Variants in CSNK1E observed in about 807,000 individuals in gnomAD.
CSNK1E encodes the protein casein kinase 1 epsilon, also known as casein kinase I isoform epsilon.
CSNK1E carries 17 observed loss-of-function variants against 46.1 expected under a neutral mutation model. That is an observed-to-expected ratio of 0.37 (90% CI 0.25 to 0.55). CSNK1E has a LOEUF of 0.55. CSNK1E is among the 20% of genes least tolerant of loss of function. The pLI is 0.82. For missense variants in CSNK1E, 386 were observed against 595.4 expected (o/e 0.65, Z 3.66); for synonymous variants, 241 against 242.6 (o/e 0.99, Z 0.06).
At chr22:38,311,035 AGATGG>A (rs2092718721) in intron 2 of CSNK1E, among the ~76,000 whole-genome samples, 1 of 152,188 alleles carries the variant, frequency 6.6e-6, no homozygotes, top group South Asian at 2.1e-4. Context: ...GCACCAGTGA[AGATGG>A]GAGAGTCAGG....
intron 7 of CSNK1E, chr22:38,296,799 G>A: frequency 7.3e-7 from 1 of 1,367,516 alleles, no homozygotes; most frequent in South Asian, 1.4e-5. Flanking sequence ...GGTCCCATCT[G>A]CCTTGCCGGA....
chr22:38,313,615 G>A (rs1020896567), intron 2 of CSNK1E, among the ~76,000 whole-genome samples: 1 of 152,208 alleles, frequency 6.6e-6, no homozygotes, highest in Non-Finnish European at 1.5e-5. Context: ...CACCCCCGAG[G>A]TTACAGGGGA....
At chr22:38,296,075 C>G (rs2092638981) in intron 7 of CSNK1E, 1 of 779,436 alleles carries the variant, frequency 1.3e-6, no homozygotes, top group African/African-American at 1.9e-5. Flanking sequence ...CAGCCAGCAG[C>G]CAAGCAGAGG....
Position 38,291,599 on chromosome 22 carries a change from G to A in CSNK1E, c.*372C>T, listed in dbSNP as rs1454377609. 1 of 152,296 alleles carries A rather than the reference G, an allele frequency of 6.6e-6. No individual in the cohort carries two copies. The highest frequency in any genetic ancestry group is 1.9e-4 in the East Asian group (1 of 5,198). The allele number at this position is 152,296 out of a possible 1,614,324, so 9.4% of individuals were successfully genotyped here. A position where few individuals can be genotyped will look rare whatever the true frequency, so the allele number is the denominator to read the frequency against. On this transcript the variant is annotated 3_prime_UTR_variant, in exon 11 of 11. Transcript: ENST00000396832. ...TGCTTGAGGGCCGGCTTTGGCTCTGGGACCTGTCACTTCTCCGACACGGAC... is the reference window on the plus strand; with the variant it reads ...TGCTTGAGGGCCGGCTTTGGCTCTGAGACCTGTCACTTCTCCGACACGGAC...
intron 7 of CSNK1E, chr22:38,295,367 G>T: frequency 2.1e-6 from 2 of 974,950 alleles, no homozygotes; most frequent in Non-Finnish European, 2.4e-6. Flanking sequence ...ATATGTGGGG[G>T]CAGCGCCCGA....
chr22:38,300,153 C>G lies in CSNK1E; in HGVS notation c.566-88G>C. ...CTGGGTCATGCTCCTCACAATGCAC[C>G]AGGACCCTCCTGCCCCCACGTCGGA... On this transcript the variant is annotated intron_variant, in intron 5 of 10. Coordinates refer to ENST00000396832, the MANE Select transcript of CSNK1E (RefSeq NM_152221.3). This position sits in a 1 kb window ranked among gnomAD's most constrained non-coding sequence, Gnocchi z 4.4. 7.7e-7 allele frequency: 1 copy of G among 1,290,898 alleles called. No homozygotes were observed. Among genetic ancestry groups the G allele is most frequent in the Non-Finnish European group, 1.1e-6 (1 of 931,126 alleles). The allele number at this position is 1,290,898 out of a possible 1,614,324, so 80.0% of individuals were successfully genotyped here. A position where few individuals can be genotyped will look rare whatever the true frequency, so the allele number is the denominator to read the frequency against.
intron 2 of CSNK1E, among the ~76,000 whole-genome samples, chr22:38,307,414 C>T (rs1324463341): frequency 1.3e-5 from 2 of 151,748 alleles, no homozygotes; most frequent in Non-Finnish European, 2.9e-5. Context: ...CCAAGGTGCT[C>T]CCGTGGGAGC....
In CSNK1E at chr22:38,294,221, C is replaced by A; in HGVS notation, c.1106G>T (p.Arg369Leu). The change falls in exon 9 of 11, where the codon CGG becomes CTG. Residue 369 changes from arginine to leucine, a missense_variant. Physicochemically the swap from Arg to Leu is moderately radical, Grantham distance 102. Coordinates refer to ENST00000396832, the MANE Select transcript of CSNK1E (RefSeq NM_152221.3). This position sits in a 1 kb window ranked among gnomAD's most constrained non-coding sequence, Gnocchi z 5.5. ...ACTCACCTTCCTCTCCCGGTCGACC[C>A]GCGAGATCGCTCTGGGAGAAGTATT... ...AGNTSPRAIS[R>L]VDRERKVSMR... is the part of the protein sequence containing the mutation. 1 of 1,612,484 alleles carries A rather than the reference C, an allele frequency of 6.2e-7. No individual in the cohort carries two copies. Among genetic ancestry groups the A allele is most frequent in the Non-Finnish European group, 8.5e-7 (1 of 1,179,914 alleles).
chr22:38,302,705 C>T (rs531558370), intron 4 of CSNK1E, among the ~76,000 whole-genome samples, 156 bp downstream of exon 4: 3 of 152,144 alleles, frequency 2.0e-5, no homozygotes, highest in East Asian at 3.9e-4. Context: ...AGTGAGACTC[C>T]GCCTCAAAAA....
chr22:38,304,429 C>T (rs2092688961), intron 2 of CSNK1E, among the ~76,000 whole-genome samples: 1 of 152,084 alleles, frequency 6.6e-6, no homozygotes, highest in Non-Finnish European at 1.5e-5. Flanking sequence ...TTGGCACAGC[C>T]CCTGTGCACC....
chr22:38,305,231 G>C (rs1224437202), intron 2 of CSNK1E, among the ~76,000 whole-genome samples: 2 of 151,218 alleles, frequency 1.3e-5, no homozygotes, highest in Non-Finnish European at 2.9e-5. Flanking sequence ...ACGAAAGAAA[G>C]GAAAAAGATT....
At chr22:38,311,145 C>CGCACA (rs1177672791) in intron 2 of CSNK1E, among the ~76,000 whole-genome samples, 1 of 152,168 alleles carries the variant, frequency 6.6e-6, no homozygotes, top group African/African-American at 2.4e-5. Flanking sequence ...GGGGGCGCAG[C>CGCACA]GCACAGCACT....
Position 38,294,740 on chromosome 22 carries a change from G to C in CSNK1E, c.886-206C>G, listed in dbSNP as rs985364980. 6.6e-6 allele frequency among the ~76,000 whole-genome samples: 1 copy of C among 152,194 alleles called. No individual in the cohort carries two copies. The highest frequency in any genetic ancestry group is 1.5e-5 in the Non-Finnish European group (1 of 68,032). On this transcript the variant is annotated intron_variant, in intron 7 of 10. Transcript: ENST00000396832. The surrounding 1 kb of genome is among the most constrained non-coding windows in gnomAD (Gnocchi z 5.5). ...AGCCACACAACCACCAGAGGAAGGAGAAAGCAGGAGTCTGGGGGCAGAGGG... is the reference window on the plus strand; with the variant it reads ...AGCCACACAACCACCAGAGGAAGGACAAAGCAGGAGTCTGGGGGCAGAGGG...
chr22:38,300,568 G>A lies in CSNK1E; in HGVS notation c.565+156C>T, dbSNP rs749488548. On this transcript the variant is annotated intron_variant, in intron 5 of 10. Transcript: ENST00000396832. The surrounding 1 kb of genome is among the most constrained non-coding windows in gnomAD (Gnocchi z 4.4). ...GGAAGACCCGACTGTGCAAGGACAC[G>A]GAATAAGCACGAGCTTGGGGGCAGA... Among the ~76,000 whole-genome samples the A allele has an allele frequency of 6.6e-6, 1 of 152,190 alleles. No homozygotes were observed. Among genetic ancestry groups the A allele is most frequent in the Admixed American group, 6.5e-5 (1 of 15,276 alleles).
chr22:38,317,410 C>CGCCT lies in CSNK1E; in HGVS notation c.-264_-263insAGGC, dbSNP rs1602569422. ...CCGGCCTCCTGCCCGCCCGCCCGCC[C>CGCCT]CCGCCGCCGGCTCGCGCGCTCTCGC... On this transcript the variant is annotated 5_prime_UTR_variant, in exon 1 of 11. Coordinates refer to ENST00000396832, the MANE Select transcript of CSNK1E (RefSeq NM_152221.3). 4 of 133,400 alleles carry CGCCT rather than the reference C, an allele frequency of 3.0e-5. No individual in the cohort carries two copies. Among genetic ancestry groups the CGCCT allele is most frequent in the Admixed American group, 1.5e-4 (2 of 13,772 alleles). 8.3% of individuals were successfully genotyped at this position (133,400 alleles called of 1,614,324 possible). A position where few individuals can be genotyped will look rare whatever the true frequency, so the allele number is the denominator to read the frequency against.
chr22:38,306,589 G>A (rs2145843985), intron 2 of CSNK1E, among the ~76,000 whole-genome samples: 1 of 152,280 alleles, frequency 6.6e-6, no homozygotes, highest in Admixed American at 6.5e-5. Context: ...AAATTAGCTG[G>A]GCGTAGTGGC....
chr22:38,305,879 C>A (rs954661469), intron 2 of CSNK1E, among the ~76,000 whole-genome samples: 1 of 152,074 alleles, frequency 6.6e-6, no homozygotes, highest in Non-Finnish European at 1.5e-5. Flanking sequence ...GCTACTCAGC[C>A]CTGACCAGCA....
In CSNK1E at chr22:38,317,188, A is replaced by G. The variant is rs2092751637; in HGVS notation, c.-41T>C. On this transcript the variant is annotated 5_prime_UTR_variant, in exon 1 of 11. Coordinates refer to ENST00000396832, the MANE Select transcript of CSNK1E (RefSeq NM_152221.3). ...GCCGGGAAGGCGCCGATGCCGGGCC[A>G]CTGCTCGGGGGGCTGCCGCGGGCGG... The G allele has an allele frequency of 6.7e-6, 1 of 150,336 alleles. No individual in the cohort carries two copies. The highest frequency in any genetic ancestry group is 1.5e-5 in the Non-Finnish European group (1 of 67,242). The allele number at this position is 150,336 out of a possible 1,614,324, so 9.3% of individuals were successfully genotyped here.
chr22:38,303,139 G>C lies in CSNK1E; in HGVS notation c.186C>G (p.Gly62=), dbSNP rs745570665. Residue 62 remains glycine (G), a splice_region_variant and synonymous_variant, in exon 3 of 11, where the codon GGC becomes GGG. Transcript: ENST00000396832. This position sits in a 1 kb window ranked among gnomAD's most constrained non-coding sequence, Gnocchi z 4.7. ...CGCCGCCGCCCACCCTGCGCTCACC[G>C]CCACCCTGCATCATCTTGTAGAACT... ...ESKFYKMMQG[G]VGIPSIKWCG... The C allele has an allele frequency of 8.5e-6, 12 of 1,416,068 alleles. No homozygotes were observed. The highest frequency in any genetic ancestry group is 1.1e-5 in the Non-Finnish European group (12 of 1,045,518). 87.7% of individuals were successfully genotyped at this position (1,416,068 alleles called of 1,614,324 possible). A position where few individuals can be genotyped will look rare whatever the true frequency, so the allele number is the denominator to read the frequency against.
Sources: gnomAD v4.1 joint callset for allele counts (sites outside exome capture counted in the v4.1 genomes callset) on GRCh38, gnomAD v4.1.1 for gene constraint, Gnocchi (gnomAD v3.1) non-coding constraint, MANE v1.5 for transcripts, NCBI Gene and HGNC (gene_info 2026-07-23, HGNC 2026-07-21) for gene names.